The following ATP2C1 variants were observed in gnomAD, a reference collection of about 807,000 sequenced individuals.
ATP2C1 encodes calcium-transporting ATPase type 2C member 1.
Under a neutral mutation model 120.5 loss-of-function variants are expected in ATP2C1, and 31 were observed. The observed-to-expected ratio is 0.26, with a 90% CI of 0.19 to 0.35. The LOEUF (loss-of-function observed/expected upper bound fraction) is 0.35, where lower values mean the gene tolerates loss of function less well. ATP2C1 is among the 10% of genes least tolerant of loss of function. ATP2C1 has a pLI of 1.00. For synonymous variants in ATP2C1, 351 were observed against 358.7 expected, an observed-to-expected ratio of 0.98 and a Z score of 0.24; for missense variants, 731 against 1,107.5, an observed-to-expected ratio of 0.66 and a Z score of 4.83.
intron 17 of ATP2C1, among the ~76,000 whole-genome samples, chr3:130,973,981 G>A (rs1035805144): frequency 4.6e-5 from 7 of 152,134 alleles, no homozygotes; most frequent in Non-Finnish European, 7.4e-5. Flanking sequence ...GAGGTAGAGG[G>A]TTGTTCCTAG....
Position 130,979,328 on chromosome 3 carries a change from T to G in ATP2C1, c.1650T>G (p.Thr550=), listed in dbSNP as rs773854095. 93 of 1,613,628 alleles carry G rather than the reference T, an allele frequency of 5.8e-5. No homozygotes were observed. The highest frequency in any genetic ancestry group is 7.5e-5 in the Non-Finnish European group (88 of 1,179,768). ...TGGGAATCATTGATCCACCTAGAAC[T>G]GGTGTGAAAGAAGCTGTTACAACAC... ...GLVGIIDPPR[T]GVKEAVTTLI... is the part of the protein sequence containing the mutation. Residue 550 remains threonine, a synonymous_variant, in exon 19 of 28, where the codon ACT becomes ACG. Coordinates refer to ENST00000510168, the MANE Select transcript of ATP2C1 (RefSeq NM_001378687.1).
intron 20 of ATP2C1, among the ~76,000 whole-genome samples, chr3:130,990,173 T>C (rs1306830561): frequency 2.0e-5 from 3 of 152,108 alleles, no homozygotes; most frequent in Non-Finnish European, 4.4e-5. Flanking sequence ...ATTCATTTTA[T>C]TTGTCTTTAT....
chr3:130,941,349 ACAAT>A (rs1355907294), intron 7 of ATP2C1, among the ~76,000 whole-genome samples: 1 of 152,136 alleles, frequency 6.6e-6, no homozygotes, highest in Non-Finnish European at 1.5e-5. Context: ...ATAGTGATTC[ACAAT>A]CAAACAGACC....
At chr3:130,998,074 A>C (rs1259882833) in intron 25 of ATP2C1, among the ~76,000 whole-genome samples, 2 of 152,126 alleles carry the variant, frequency 1.3e-5, no homozygotes, top group African/African-American at 4.8e-5. Context: ...TTAATATCTA[A>C]TACATAGTTC....
At chr3:130,853,535 G>A (rs557885748) in intron 1 of ATP2C1, among the ~76,000 whole-genome samples, 2 of 152,064 alleles carry the variant, frequency 1.3e-5, no homozygotes, top group African/African-American at 4.8e-5. Context: ...ACATTTAAAT[G>A]AACTCCCCCC....
chr3:130,873,205 A>G (rs1464812972), intron 1 of ATP2C1, among the ~76,000 whole-genome samples: 1 of 152,202 alleles, frequency 6.6e-6, no homozygotes, highest in Non-Finnish European at 1.5e-5. Context: ...AAATAAACAG[A>G]GCAGCTTCTT....
At chr3:130,970,769 A>AT (rs373914619) in intron 17 of ATP2C1, among the ~76,000 whole-genome samples, 4 of 152,176 alleles carry the variant, frequency 2.6e-5, no homozygotes, top group African/African-American at 7.2e-5. Context: ...CAAACACATG[A>AT]TTTTTGCATG....
In ATP2C1 at chr3:131,016,429, A is replaced by G. The variant is rs1447598090; in HGVS notation, c.*240A>G. 8.6e-6 allele frequency: 12 copies of G among 1,399,550 alleles called. No homozygotes were observed. In the East Asian group the frequency reaches 2.9e-4, roughly 33 times the overall value. The allele number at this position is 1,399,550 out of a possible 1,614,324, so 86.7% of individuals were successfully genotyped here. Reference sequence around the variant, plus strand: ...CACATATACTACAAATTCTATAAAGAAAGAAATTAATTTAAAAAAACTAAG... The same window carrying G: ...CACATATACTACAAATTCTATAAAGGAAGAAATTAATTTAAAAAAACTAAG... On this transcript the variant is annotated 3_prime_UTR_variant, in exon 27 of 27. Transcript: ENST00000328560.
chr3:130,924,284 C>T (rs1264918318), intron 2 of ATP2C1, among the ~76,000 whole-genome samples: 1 of 151,906 alleles, frequency 6.6e-6, no homozygotes, highest in Non-Finnish European at 1.5e-5. Flanking sequence ...GCAAATTCTC[C>T]CAGCATTTGT....
In ATP2C1 at chr3:130,940,933, T is replaced by A. The variant is rs78023516; in HGVS notation, c.422+242T>A. 8.5e-3 allele frequency among the ~76,000 whole-genome samples: 1,226 copies of A among 144,226 alleles called. 67 individuals carry two copies. In the East Asian group the frequency reaches 0.15, roughly 17 times the overall value. 94.6% of individuals were successfully genotyped at this position (144,226 alleles called of 152,430 possible). ...TTTTTTTTTTTTTTTTTTTTTTTTT[T>A]AGATGGAGTCTGGCTCTGTCACCCA... On this transcript the variant is annotated intron_variant, in intron 7 of 27. Transcript: ENST00000510168.
At chr3:131,016,305 C>T in exon 27 of ATP2C1, 2 of 1,610,918 alleles carry the variant, frequency 1.2e-6, no homozygotes, top group Non-Finnish European at 1.7e-6. Flanking sequence ...CTGCATACAA[C>T]ATCTTAGCAC....
At chr3:130,977,492 C>A (rs2061576920) in intron 18 of ATP2C1, among the ~76,000 whole-genome samples, 1 of 152,100 alleles carries the variant, frequency 6.6e-6, no homozygotes, top group South Asian at 2.1e-4. Flanking sequence ...CAGCACATAG[C>A]AAGAGGTTTT....
chr3:130,903,409 C>T (rs2057958607), intron 2 of ATP2C1, among the ~76,000 whole-genome samples: 1 of 151,890 alleles, frequency 6.6e-6, no homozygotes, highest in African/African-American at 2.4e-5. Flanking sequence ...TTACGTGGCT[C>T]CCCATTGTAC....
At chr3:130,869,307 C>G (rs999898163) in intron 1 of ATP2C1, 1 of 169,534 alleles carries the variant, frequency 5.9e-6, no homozygotes, top group African/African-American at 2.5e-5. Flanking sequence ...GCAGGGTCCT[C>G]TGCCTAGGAA....
Position 130,894,177 on chromosome 3 carries a change from C to T in ATP2C1, c.-341C>T, listed in dbSNP as rs1291139018. 1.0e-6 allele frequency: 1 copy of T among 967,480 alleles called. No individual in the cohort carries two copies. The highest frequency in any genetic ancestry group is 1.2e-6 in the Non-Finnish European group (1 of 813,646). The allele number at this position is 967,480 out of a possible 1,614,324, so 59.9% of individuals were successfully genotyped here. A position where few individuals can be genotyped will look rare whatever the true frequency, so the allele number is the denominator to read the frequency against. On this transcript the variant is annotated 5_prime_UTR_variant, in exon 1 of 28. Transcript: ENST00000510168. This position sits in a 1 kb window ranked among gnomAD's most constrained non-coding sequence, Gnocchi z 4.5. ...CCTCCCCGCCCGCCCTCTCTCCCTC[C>T]CTTCCTCCCTCCCGCTCGCTTCTTC...
chr3:130,900,693 A>T (rs1264436475), intron 2 of ATP2C1, among the ~76,000 whole-genome samples: 1 of 152,224 alleles, frequency 6.6e-6, no homozygotes, highest in Non-Finnish European at 1.5e-5. Flanking sequence ...CTGAAGTTAA[A>T]AAGAATAGAG....
rs369430850 is a variant in ATP2C1, at chr3:130,997,675, G to A, written c.2313G>A (p.Leu771=). 2 of 1,613,672 alleles carry A rather than the reference G, an allele frequency of 1.2e-6. No individual in the cohort carries two copies. Among genetic ancestry groups the A allele is most frequent in the Non-Finnish European group, 1.7e-6 (2 of 1,179,742 alleles). The change falls in exon 25 of 28, where the codon TTG becomes TTA. Residue 771 remains leucine, a synonymous_variant. Coordinates refer to ENST00000510168, the MANE Select transcript of ATP2C1 (RefSeq NM_001378687.1). ...KPPRNWKDSI[L]TKNLILKILV... is the part of the protein sequence containing the mutation. ...CTCGCAACTGGAAAGACAGCATTTT[G>A]ACTAAAAACTTGATACTTAAAATAC...
chr3:130,918,286 A>G (rs1245512875), intron 2 of ATP2C1: 3 of 1,552,124 alleles, frequency 1.9e-6, no homozygotes, highest in Admixed American at 1.7e-5. Context: ...AGTTCTTTGC[A>G]TAGCACCCTT....
chr3:130,953,695 T>G (rs1345572966), intron 8 of ATP2C1, 126 bp from the exon 9 acceptor site: 2 of 989,298 alleles, frequency 2.0e-6, no homozygotes, highest in Non-Finnish European at 3.2e-6. Context: ...GAGTGATGGT[T>G]TTGATACAAG....
Sources: allele counts gnomAD v4.1 joint callset (sites outside exome capture counted in the v4.1 genomes callset), GRCh38; gene constraint gnomAD v4.1.1; non-coding constraint Gnocchi (gnomAD v3.1); transcripts MANE v1.5; gene names NCBI Gene and HGNC (gene_info 2026-07-23, HGNC 2026-07-21).